DOCK5: variants seen among roughly 807,000 people sequenced by gnomAD.
The protein encoded by DOCK5 is dedicator of cytokinesis protein 5.
Under a neutral mutation model 251.8 loss-of-function variants are expected in DOCK5, and 142 were observed. That is an observed-to-expected ratio of 0.56 (90% confidence interval 0.49 to 0.65). DOCK5 has a LOEUF of 0.65. Ranked by LOEUF, DOCK5 falls within the 30% of genes least tolerant of loss-of-function variation. The pLI is 0.00. For missense variants in DOCK5, 2,111 were observed against 2,312.3 expected, an observed-to-expected ratio of 0.91 and a Z score of 1.79; for synonymous variants, 842 against 835.5, an observed-to-expected ratio of 1.01 and a Z score of -0.13.
At chr8:25,353,655 TA>T in intron 27 of DOCK5, among the ~76,000 whole-genome samples, 1 of 152,320 alleles carries the variant, frequency 6.6e-6, no homozygotes, top group East Asian at 1.9e-4. Context: ...ATATTGCTGT[TA>T]ATCACTTGTG....
At chr8:25,319,253 A>G (rs1406706645) in intron 14 of DOCK5, among the ~76,000 whole-genome samples, 1 of 152,226 alleles carries the variant, frequency 6.6e-6, no homozygotes, top group Non-Finnish European at 1.5e-5. Context: ...CGTCATCGTC[A>G]TGTTCCCTGA....
chr8:25,219,318 T>A lies in DOCK5; in HGVS notation c.44-24356T>A, dbSNP rs1802324840. Among the ~76,000 whole-genome samples, 3 of 152,338 alleles carry A rather than the reference T, an allele frequency of 2.0e-5. No homozygotes were observed. The South Asian group carries it at 6.2e-4, about 32-fold the overall frequency. ...ATGTCCTCCAATATATCCCCTCTGA[T>A]AATCTGTCAGTGGCATGTTTTTTTA... On this transcript the variant is annotated intron_variant, in intron 1 of 51. Coordinates refer to ENST00000276440, the MANE Select transcript of DOCK5 (RefSeq NM_024940.8).
intron 30 of DOCK5, 46 bp from the exon 31 acceptor site, chr8:25,366,821 TTAA>T (rs1269489280): frequency 6.9e-7 from 1 of 1,454,616 alleles, no homozygotes; most frequent in South Asian, 1.2e-5. Flanking sequence ...ATGGCCCTTA[TTAA>T]TGTTATTTTT....
At chr8:25,217,683 C>T (rs1213947742) in intron 1 of DOCK5, among the ~76,000 whole-genome samples, 1 of 152,146 alleles carries the variant, frequency 6.6e-6, no homozygotes, top group Non-Finnish European at 1.5e-5. Flanking sequence ...CAGACCAGCA[C>T]CTGCAAGAAG....
rs1344258527 is a variant in DOCK5, at chr8:25,411,483, A to T, written c.*185A>T. Reference sequence around the variant, plus strand: ...TTCTCTTTGATAGAATTTTGAGGCCATGCCACCTCCCTTCCAGTCCACATG... The same window carrying T: ...TTCTCTTTGATAGAATTTTGAGGCCTTGCCACCTCCCTTCCAGTCCACATG... On this transcript the variant is annotated 3_prime_UTR_variant, in exon 52 of 52. Coordinates refer to ENST00000276440, the MANE Select transcript of DOCK5 (RefSeq NM_024940.8). 1 of 797,486 alleles carries T rather than the reference A, an allele frequency of 1.3e-6. No individual in the cohort carries two copies. 49.4% of individuals were successfully genotyped at this position (797,486 alleles called of 1,614,324 possible). A position where few individuals can be genotyped will look rare whatever the true frequency, so the allele number is the denominator to read the frequency against.
intron 5 of DOCK5, among the ~76,000 whole-genome samples, chr8:25,286,192 T>G (rs1280317580): frequency 6.6e-6 from 1 of 152,142 alleles, no homozygotes; most frequent in Non-Finnish European, 1.5e-5. Flanking sequence ...ACACCCCATC[T>G]GGACCCAGGT....
At chr8:25,391,220 T>C (rs996035613) in intron 42 of DOCK5, among the ~76,000 whole-genome samples, 1 of 150,198 alleles carries the variant, frequency 6.7e-6, no homozygotes, top group South Asian at 2.1e-4. Context: ...TGTGTGTGTG[T>C]GTGTGTGTGT....
chr8:25,277,765 T>C (rs1586288106), intron 4 of DOCK5, among the ~76,000 whole-genome samples: 1 of 152,344 alleles, frequency 6.6e-6, no homozygotes, highest in East Asian at 1.9e-4. Flanking sequence ...AAGTAATTTT[T>C]CATAGTAAGC....
intron 1 of DOCK5, among the ~76,000 whole-genome samples, chr8:25,240,890 C>A (rs1802922261): frequency 6.6e-6 from 1 of 152,066 alleles, no homozygotes. Context: ...CTCCGGAGGC[C>A]CTCGGGGAGG....
At position 25,334,128 on chromosome 8, in the gene DOCK5, G is replaced by A. The variant is rs759162843; in HGVS notation, c.2124G>A (p.Lys708=). ...TTATTTCACTGATAGGAGACATCAA[G>A]TTCCAGCATTTTAATCCTGTACTTG... ...VFIISLIGDI[K]FQHFNPVLET... The change falls in exon 21 of 52, where the codon AAG becomes AAA. Residue 708 remains lysine, a synonymous_variant. Coordinates refer to ENST00000276440, the MANE Select transcript of DOCK5 (RefSeq NM_024940.8). The A allele has an allele frequency of 2.5e-6, 4 of 1,613,868 alleles. No homozygotes were observed. The East Asian group carries it at 8.9e-5, about 36-fold the overall frequency.
intron 22 of DOCK5, among the ~76,000 whole-genome samples, chr8:25,340,084 G>A (rs1029253213): frequency 2.0e-5 from 3 of 152,164 alleles, no homozygotes; most frequent in African/African-American, 7.2e-5. Flanking sequence ...ATCTAGGTTC[G>A]AGGTGATGCT....
At chr8:25,294,397 A>G (rs1804567302) in intron 6 of DOCK5, among the ~76,000 whole-genome samples, 2 of 152,168 alleles carry the variant, frequency 1.3e-5, no homozygotes, top group Admixed American at 6.5e-5. Context: ...GACTTGGCAC[A>G]TTGCAGTGTT....
intron 11 of DOCK5, among the ~76,000 whole-genome samples, chr8:25,308,090 T>C (rs1479188937): frequency 1.3e-5 from 2 of 152,156 alleles, no homozygotes; most frequent in African/African-American, 4.8e-5. Flanking sequence ...AGGAGACTAT[T>C]GTACTGCACC....
intron 11 of DOCK5, chr8:25,304,769 A>G (rs1804858084): frequency 6.5e-6 from 1 of 154,008 alleles, no homozygotes; most frequent in Admixed American, 6.5e-5. Flanking sequence ...TGCCTCTGAC[A>G]AGCTCCCAGG....
intron 27 of DOCK5, among the ~76,000 whole-genome samples, chr8:25,352,342 A>G (rs1039260285): frequency 6.6e-6 from 1 of 152,120 alleles, no homozygotes; most frequent in Non-Finnish European, 1.5e-5. Flanking sequence ...TCCAGTATGA[A>G]CCACCCAGCC....
chr8:25,207,415 G>A (rs1468892921), intron 1 of DOCK5, among the ~76,000 whole-genome samples: 4 of 152,204 alleles, frequency 2.6e-5, no homozygotes, highest in African/African-American at 9.6e-5. Context: ...TTCATAGCTA[G>A]AGAGGAGAAG....
At chr8:25,191,028 T>C (rs950622054) in intron 1 of DOCK5, among the ~76,000 whole-genome samples, 14 of 151,982 alleles carry the variant, frequency 9.2e-5, no homozygotes, top group Non-Finnish European at 4.4e-5. Context: ...TTGGTCATGT[T>C]TTAACAGCAT....
intron 7 of DOCK5, among the ~76,000 whole-genome samples, chr8:25,297,839 G>T (rs1431318691): frequency 2.0e-5 from 3 of 152,036 alleles, no homozygotes; most frequent in Non-Finnish European, 4.4e-5. Context: ...TTGAGGCCAG[G>T]AGTTCAAGAC....
At chr8:25,395,840 C>G in intron 45 of DOCK5, 121 bp downstream of exon 45, 2 of 1,199,922 alleles carry the variant, frequency 1.7e-6, no homozygotes, top group Non-Finnish European at 2.4e-6. Flanking sequence ...TGTTCACTTT[C>G]CCTTCTGGCA....
Sources: allele counts gnomAD v4.1 joint callset (sites outside exome capture counted in the v4.1 genomes callset), GRCh38; gene constraint gnomAD v4.1.1; transcripts MANE v1.5; gene names NCBI Gene and HGNC (gene_info 2026-07-23, HGNC 2026-07-21).